TNRC6A: variants seen among roughly 807,000 people sequenced by gnomAD.
TNRC6A encodes trinucleotide repeat-containing gene 6A protein.
TNRC6A carries 44 observed loss-of-function variants against 221.2 expected under a neutral mutation model. The observed-to-expected ratio is 0.20, with a 90% CI of 0.16 to 0.26. The LOEUF (loss-of-function observed/expected upper bound fraction) is 0.26, where lower values mean the gene tolerates loss of function less well. Among genes scored for constraint, TNRC6A ranks in the 10% least tolerant of loss-of-function variants. The pLI is 1.00. For synonymous variants in TNRC6A, 847 were observed against 838.5 expected (o/e 1.01, Z -0.18); for missense variants, 2,199 against 2,404.4 (o/e 0.91, Z 1.79).
upstream of TNRC6A, among the ~76,000 whole-genome samples, chr16:24,725,548 C>A (rs2056477210): frequency 6.6e-6 from 1 of 151,950 alleles, no homozygotes; most frequent in Non-Finnish European, 1.5e-5. Context: ...CTCCCCAGCT[C>A]CTCTCTCCAT....
intron 2 of TNRC6A, among the ~76,000 whole-genome samples, chr16:24,739,221 A>G (rs1020557353): frequency 2.0e-5 from 3 of 152,156 alleles, no homozygotes; most frequent in African/African-American, 4.8e-5. Context: ...TAGCCATCCT[A>G]ATAGATGTAA....
chr16:24,740,803 C>T (rs550179399), intron 2 of TNRC6A, among the ~76,000 whole-genome samples: 1 of 152,306 alleles, frequency 6.6e-6, no homozygotes, highest in Admixed American at 6.5e-5. Context: ...TCATAACTCC[C>T]TATTGCCTTC....
chr16:24,777,852 A>C (rs1233696381), intron 5 of TNRC6A, among the ~76,000 whole-genome samples: 6 of 152,182 alleles, frequency 3.9e-5, no homozygotes, highest in African/African-American at 1.4e-4. Context: ...GAGGAAATGC[A>C]TTCAGTTATT....
intron 3 of TNRC6A, among the ~76,000 whole-genome samples, chr16:24,754,118 GA>G (rs2057195828): frequency 1.3e-5 from 2 of 152,036 alleles, no homozygotes; most frequent in Non-Finnish European, 2.9e-5. Context: ...CATGAATACA[GA>G]AAATGCATAC....
rs189878851 is a variant in TNRC6A at position 24,615,505 on chromosome 16, A to G, written n.276+5021A>G. Among the ~76,000 whole-genome samples, 101 of 152,298 alleles carry G rather than the reference A, an allele frequency of 6.6e-4. 4 individuals are homozygous for G. The East Asian group carries it at 0.013, about 20-fold the overall frequency. Reference sequence around the variant, plus strand: ...AACTCCAGGCTGCCCACCATTTAGAAATCAGATAATGGAGGCATCCATGCA... The same window carrying G: ...AACTCCAGGCTGCCCACCATTTAGAGATCAGATAATGGAGGCATCCATGCA... On this transcript the variant is annotated intron_variant and non_coding_transcript_variant, in intron 1 of 2. Transcript: ENST00000566108.
At chr16:24,738,941 A>G (rs1338934232) in intron 2 of TNRC6A, among the ~76,000 whole-genome samples, 1 of 151,956 alleles carries the variant, frequency 6.6e-6, no homozygotes, top group African/African-American at 2.4e-5. Context: ...GCAACCTCCC[A>G]CCTTCCAGGC....
chr16:24,666,668 A>AAAATAT (rs1555487103), intron 2 of TNRC6A, among the ~76,000 whole-genome samples: 12 of 65,128 alleles, frequency 1.8e-4, no homozygotes, highest in Non-Finnish European at 2.7e-4. Flanking sequence ...AAAAAAAAAA[A>AAAATAT]ATATATATAT....
intron 2 of TNRC6A, among the ~76,000 whole-genome samples, chr16:24,735,606 T>G (rs918715138): frequency 2.0e-5 from 3 of 152,210 alleles, no homozygotes; most frequent in Admixed American, 1.3e-4. Flanking sequence ...TCTGTAAACT[T>G]AATTTAAAAA....
At chr16:24,756,362 A>G (rs2057251057) in intron 3 of TNRC6A, among the ~76,000 whole-genome samples, 1 of 152,176 alleles carries the variant, frequency 6.6e-6, no homozygotes, top group South Asian at 2.1e-4. Context: ...ATAATATACT[A>G]GGTCTCCAGA....
At position 24,804,068 on chromosome 16, in the gene TNRC6A, G is replaced by C. The variant is rs1214157780; in HGVS notation, c.3695-109G>C. The C allele has an allele frequency of 1.2e-5, 14 of 1,184,672 alleles. No individual in the cohort carries two copies. The East Asian group carries it at 2.6e-4, about 22-fold the overall frequency. The allele number at this position is 1,184,672 out of a possible 1,614,324, so 73.4% of individuals were successfully genotyped here. A position where few individuals can be genotyped will look rare whatever the true frequency, so the allele number is the denominator to read the frequency against. On this transcript the variant is annotated intron_variant, in intron 11 of 24. Transcript: ENST00000395799. ...TGTATTTTTCACATACCCTTGTCTT[G>C]GCTGAAGTCATTTCAGTTTGGAAAG...
At chr16:24,809,553 T>G in intron 18 of TNRC6A, 72 bp downstream of exon 18, 1 of 1,370,506 alleles carries the variant, frequency 7.3e-7, no homozygotes, top group Non-Finnish European at 9.5e-7. Flanking sequence ...TTTAGGCCTT[T>G]ATTTTATTTT....
chr16:24,635,466 A>G (rs916560478), intron 1 of TNRC6A, among the ~76,000 whole-genome samples: 4 of 151,684 alleles, frequency 2.6e-5, no homozygotes, highest in African/African-American at 7.3e-5. Context: ...TATTTTTAGT[A>G]CAGACAGGGT....
At chr16:24,699,623 G>A (rs2055929142) in intron 2 of TNRC6A, among the ~76,000 whole-genome samples, 1 of 151,886 alleles carries the variant, frequency 6.6e-6, no homozygotes, top group Admixed American at 6.6e-5. Flanking sequence ...GGAGGCTGAG[G>A]TGGGAGAATC....
chr16:24,814,417 T>TTTTTTTC (rs2058613857), intron 18 of TNRC6A, among the ~76,000 whole-genome samples: 2 of 27,254 alleles, frequency 7.3e-5, no homozygotes, highest in East Asian at 6.2e-4. Flanking sequence ...TTCTTTTTTT[T>TTTTTTTC]TTTTTTTTTG....
chr16:24,675,348 T>G (rs911293809), intron 2 of TNRC6A, among the ~76,000 whole-genome samples: 3 of 152,028 alleles, frequency 2.0e-5, no homozygotes, highest in Non-Finnish European at 4.4e-5. Flanking sequence ...TCCTAAGATT[T>G]CAGGCTGCCG....
chr16:24,784,827 A>G (rs528238022), intron 5 of TNRC6A, among the ~76,000 whole-genome samples: 7 of 152,196 alleles, frequency 4.6e-5, no homozygotes, highest in Non-Finnish European at 8.8e-5. Flanking sequence ...TTTCACTAAC[A>G]TTAAAGGTGA....
rs2058104025 is a variant in TNRC6A at position 24,791,679 on chromosome 16, A to G, written c.3037A>G (p.Lys1013Glu). 6.2e-6 allele frequency: 10 copies of G among 1,613,918 alleles called. No homozygotes were observed. Among genetic ancestry groups the G allele is most frequent in the Non-Finnish European group, 8.5e-6 (10 of 1,179,936 alleles). Residue 1013 changes from lysine (K) to glutamate (E), a missense_variant, in exon 6 of 25, where the codon AAA (lysine) becomes GAA (glutamate). Lys to Glu is a moderately conservative substitution (Grantham distance 56, BLOSUM62 1). Coordinates refer to ENST00000395799, the MANE Select transcript of TNRC6A (RefSeq NM_014494.4). ...DGTSAWGDPS[K>E]YNYKNVNMWN... is the part of the protein sequence containing the mutation. ...AACTTCAGCTTGGGGAGATCCAAGC[A>G]AATACAACTACAAAAATGTGAACAT...
intron 2 of TNRC6A, among the ~76,000 whole-genome samples, chr16:24,734,545 C>G (rs547994735): frequency 2.6e-5 from 4 of 152,304 alleles, no homozygotes; most frequent in African/African-American, 9.6e-5. Flanking sequence ...ATTCTGACTT[C>G]TTCATTTCTC....
At position 24,739,478 on chromosome 16, in the gene TNRC6A, C is replaced by CTTT. The variant is rs71383710; in HGVS notation, c.53+9194_53+9196dup. On this transcript the variant is annotated intron_variant, in intron 2 of 24. Transcript: ENST00000395799. ...TCCTATTTTGTGGCTTTTCCTTTCACTTTTTTTTTTTTTTTTTTGAGACAG... is the reference window on the plus strand; with the variant it reads ...TCCTATTTTGTGGCTTTTCCTTTCACTTTTTTTTTTTTTTTTTTTTTGAGACAG... Among the ~76,000 whole-genome samples, 594 of 118,266 alleles carry CTTT rather than the reference C, an allele frequency of 5.0e-3. 26 individuals carry two copies. The highest frequency in any genetic ancestry group is 6.2e-3 in the African/African-American group (191 of 30,744). The allele number at this position is 118,266 out of a possible 152,430, so 77.6% of individuals were successfully genotyped here.
Sources: allele counts gnomAD v4.1 joint callset (sites outside exome capture counted in the v4.1 genomes callset), GRCh38; gene constraint gnomAD v4.1.1; transcripts MANE v1.5; gene names NCBI Gene and HGNC (gene_info 2026-07-23, HGNC 2026-07-21).